The following SYT1 variants were observed in gnomAD, a reference collection of about 807,000 sequenced individuals.
SYT1 encodes the protein synaptotagmin-1.
Under a neutral mutation model 44.8 loss-of-function variants are expected in SYT1, and 8 were observed. That is an observed-to-expected ratio of 0.18 (90% confidence interval 0.10 to 0.32). The LOEUF is 0.32. SYT1 is among the 10% of genes least tolerant of loss of function. The probability of loss-of-function intolerance (pLI) is 1.00; values close to 1 mark genes in which losing one functional copy is unlikely to be tolerated. For missense variants in SYT1, 286 were observed against 509.3 expected (o/e 0.56, Z 4.22); for synonymous variants, 154 against 188.8 (o/e 0.82, Z 1.51).
intron 3 of SYT1, among the ~76,000 whole-genome samples, chr12:79,180,872 T>C (rs1254938549): frequency 6.6e-6 from 1 of 151,978 alleles, no homozygotes. Flanking sequence ...ATAATCCCTA[T>C]ATTTCATGGG....
chr12:79,029,373 A>T (rs1872709144), intron 2 of SYT1, among the ~76,000 whole-genome samples: 2 of 150,118 alleles, frequency 1.3e-5, no homozygotes, highest in Non-Finnish European at 3.0e-5. Context: ...AAAAAAAAAA[A>T]ATAGGTAATT....
At chr12:78,972,637 T>G (rs1868463866) in intron 1 of SYT1, among the ~76,000 whole-genome samples, 1 of 151,876 alleles carries the variant, frequency 6.6e-6, no homozygotes, top group Non-Finnish European at 1.5e-5. Context: ...ATGTCACATA[T>G]GTTCATTAGG....
intron 9 of SYT1, among the ~76,000 whole-genome samples, chr12:79,377,173 G>A (rs573251550): frequency 4.3e-4 from 65 of 152,032 alleles, no homozygotes; most frequent in African/African-American, 1.3e-3. Flanking sequence ...GTGCAGTGGC[G>A]CAATCTCAGC....
chr12:78,876,734 ATT>A (rs1358908064), intron 1 of SYT1, among the ~76,000 whole-genome samples: 75 of 94,280 alleles, frequency 8.0e-4, no homozygotes, highest in African/African-American at 2.9e-3. Context: ...ATAATTATAT[ATT>A]ATATATTATA....
intron 3 of SYT1, among the ~76,000 whole-genome samples, chr12:79,056,054 A>G (rs540303428): frequency 6.6e-5 from 10 of 152,042 alleles, no homozygotes; most frequent in Non-Finnish European, 1.2e-4. Context: ...TTGTAGCCCA[A>G]GAACAAAAGG....
In SYT1 at chr12:79,254,664, A is replaced by G. The variant is rs536770022; in HGVS notation, c.167-31123A>G. On this transcript the variant is annotated intron_variant, in intron 4 of 10. Transcript: ENST00000261205. ...GAAAGTAAACTGAAAATCTTCTAGA[A>G]AGTATTCATCATTCTAGATGCCATT... Among the ~76,000 whole-genome samples the G allele has an allele frequency of 5.9e-5, 9 of 152,338 alleles. No individual in the cohort carries two copies. The South Asian group carries it at 1.9e-3, about 32-fold the overall frequency.
chr12:78,936,722 A>G (rs1024208981), intron 1 of SYT1, among the ~76,000 whole-genome samples: 9 of 152,188 alleles, frequency 5.9e-5, no homozygotes, highest in Admixed American at 3.9e-4. Context: ...CTATTGCAGT[A>G]GGAAAGGAAG....
chr12:79,142,718 T>C (rs1869637893), intron 3 of SYT1, among the ~76,000 whole-genome samples: 1 of 152,222 alleles, frequency 6.6e-6, no homozygotes, highest in Admixed American at 6.5e-5. Flanking sequence ...ATTTGTCTTT[T>C]GAGCAAAGAA....
intron 9 of SYT1, among the ~76,000 whole-genome samples, chr12:79,369,481 GA>G (rs1323169778): frequency 2.6e-5 from 4 of 152,102 alleles, no homozygotes; most frequent in African/African-American, 9.7e-5. Context: ...AAAAAGAAAA[GA>G]AAAAGAAAGT....
At chr12:79,403,357 A>G (rs1222885946) in intron 9 of SYT1, among the ~76,000 whole-genome samples, 2 of 152,132 alleles carry the variant, frequency 1.3e-5, no homozygotes, top group East Asian at 1.9e-4. Context: ...CAAAATTTGC[A>G]GAGTAGCCCA....
intron 9 of SYT1, among the ~76,000 whole-genome samples, chr12:79,437,061 C>T (rs984429432): frequency 4.6e-5 from 7 of 152,032 alleles, no homozygotes; most frequent in East Asian, 3.9e-4. Context: ...GGGTGAAGGA[C>T]GGCCAGTTCA....
intron 4 of SYT1, among the ~76,000 whole-genome samples, chr12:79,263,226 C>A (rs1418672104): frequency 6.6e-6 from 1 of 151,526 alleles, no homozygotes; most frequent in Admixed American, 6.6e-5. Context: ...TAGCACACTC[C>A]ATTCACTTCT....
chr12:78,981,937 G>T (rs1296628643), intron 2 of SYT1, among the ~76,000 whole-genome samples: 3 of 151,960 alleles, frequency 2.0e-5, no homozygotes, highest in East Asian at 1.9e-4. Flanking sequence ...CCATGCCTAG[G>T]GATGGAGGGC....
intron 10 of SYT1, among the ~76,000 whole-genome samples, 184 bp from the exon 11 acceptor site, chr12:79,448,734 C>T (rs2136211413): frequency 6.6e-6 from 1 of 152,308 alleles, no homozygotes; most frequent in Admixed American, 6.5e-5. Context: ...ATGTAAAAGA[C>T]TTAGTGCAAA....
intron 1 of SYT1, among the ~76,000 whole-genome samples, chr12:78,929,845 G>A (rs1877535696): frequency 6.6e-6 from 1 of 152,164 alleles, no homozygotes; most frequent in East Asian, 1.9e-4. Context: ...ATTTTATACT[G>A]ACTTACAGAT....
chr12:79,071,721 C>G (rs908642468), intron 3 of SYT1, among the ~76,000 whole-genome samples: 6 of 152,124 alleles, frequency 3.9e-5, no homozygotes, highest in African/African-American at 1.4e-4. Flanking sequence ...CAACATAACT[C>G]TAATTGCTGC....
intron 9 of SYT1, among the ~76,000 whole-genome samples, chr12:79,416,207 G>A (rs1233843463): frequency 6.6e-6 from 1 of 152,138 alleles, no homozygotes; most frequent in Admixed American, 6.6e-5. Flanking sequence ...ACAAGGCAAG[G>A]CAGAGAAACA....
At chr12:79,117,434 G>C (rs1879335827) in intron 3 of SYT1, among the ~76,000 whole-genome samples, 1 of 151,566 alleles carries the variant, frequency 6.6e-6, no homozygotes, top group Admixed American at 6.6e-5. Context: ...GTGGATGACT[G>C]CTGACTGCAG....
At chr12:79,178,967 GATATATAGATATAGATATATCT>G (rs1565840942) in intron 3 of SYT1, among the ~76,000 whole-genome samples, 13 of 58,638 alleles carry the variant, frequency 2.2e-4, no homozygotes, top group East Asian at 2.0e-3. Flanking sequence ...TATAGATATA[GATATATAGATATAGATATATCT>G]ATATAGATAT....
Sources: gnomAD v4.1 joint callset for allele counts (sites outside exome capture counted in the v4.1 genomes callset) on GRCh38, gnomAD v4.1.1 for gene constraint, MANE v1.5 for transcripts, NCBI Gene and HGNC (gene_info 2026-07-23, HGNC 2026-07-21) for gene names.